The following CDC42SE2 variants were observed in gnomAD, a reference collection of about 807,000 sequenced individuals.
CDC42SE2 encodes the protein CDC42 small effector protein 2.
A neutral mutation model predicts 11.5 loss-of-function variants in CDC42SE2; 3 were observed. The observed-to-expected ratio is 0.26, with a 90% CI of 0.12 to 0.67. CDC42SE2 has a LOEUF of 0.67. CDC42SE2 is among the 30% of genes least tolerant of loss of function. The pLI is 0.80. For synonymous variants in CDC42SE2, 33 were observed against 34.8 expected (o/e 0.95, Z 0.18); for missense variants, 82 against 106.8 (o/e 0.77, Z 1.02).
chr5:131,334,697 A>C (rs906111825), intron 2 of CDC42SE2, among the ~76,000 whole-genome samples: 14 of 151,842 alleles, frequency 9.2e-5, no homozygotes, highest in African/African-American at 2.9e-4. Flanking sequence ...GTCTTGGGAG[A>C]GTGTATGTGT....
At chr5:131,221,478 C>T in the CDC42SE2 span, among the ~76,000 whole-genome samples, 31 of 151,934 alleles carry the variant, frequency 2.0e-4, no homozygotes, top group Non-Finnish European at 3.4e-4. Context: ...CAACACCCTT[C>T]TGTATGCAAA....
At chr5:131,383,193 A>G (rs1750374186) in intron 3 of CDC42SE2, among the ~76,000 whole-genome samples, 1 of 152,186 alleles carries the variant, frequency 6.6e-6, no homozygotes, top group Non-Finnish European at 1.5e-5. Flanking sequence ...GTCTGCCATT[A>G]GGGGCAGGGA....
chr5:131,365,729 C>T (rs528266334), intron 3 of CDC42SE2, among the ~76,000 whole-genome samples: 8 of 152,182 alleles, frequency 5.3e-5, no homozygotes, highest in East Asian at 1.9e-4. Context: ...ACACCTGTAT[C>T]CCCAGCACTT....
At chr5:131,300,953 C>G (rs1757666410) in intron 1 of CDC42SE2, among the ~76,000 whole-genome samples, 1 of 152,096 alleles carries the variant, frequency 6.6e-6, no homozygotes, top group South Asian at 2.1e-4. Flanking sequence ...CTTTATACAT[C>G]TTACTACATT....
At chr5:131,278,726 CCCCT>C (rs1757161849) in intron 1 of CDC42SE2, among the ~76,000 whole-genome samples, 1 of 6,214 alleles carries the variant, frequency 1.6e-4, no homozygotes, top group African/African-American at 1.0e-3. Context: ...CCTCCCCTCC[CCCCT>C]CCCCTCCCCT....
At chr5:131,222,424 C>A in the CDC42SE2 span, among the ~76,000 whole-genome samples, 1 of 152,166 alleles carries the variant, frequency 6.6e-6, no homozygotes, top group African/African-American at 2.4e-5. Flanking sequence ...ATAGTCCCTA[C>A]CTGAAATTAA....
chr5:131,214,968 G>C, the CDC42SE2 span, among the ~76,000 whole-genome samples: 18 of 152,212 alleles, frequency 1.2e-4, no homozygotes, highest in African/African-American at 7.2e-5. Context: ...TCAAATTGCT[G>C]AAGCAGGAGA....
intron 1 of CDC42SE2, among the ~76,000 whole-genome samples, chr5:131,306,957 C>G (rs1045135348): frequency 1.3e-5 from 2 of 151,958 alleles, no homozygotes; most frequent in Non-Finnish European, 2.9e-5. Context: ...TGCAACTTTA[C>G]TTCGTTTATC....
At position 131,298,062 on chromosome 5, in the gene CDC42SE2, G is replaced by A. The variant is rs556038948; in HGVS notation, c.-454-17914G>A. Among the ~76,000 whole-genome samples the A allele has an allele frequency of 2.0e-4, 31 of 151,900 alleles. No individual in the cohort carries two copies. The South Asian group carries it at 6.4e-3, about 32-fold the overall frequency. ...AGGAAGTTATGCTTCCTGTTAGAGT[G>A]GGTTAGAGTAATGTGCTTTCATTCA... On this transcript the variant is annotated intron_variant, in intron 1 of 4. Coordinates refer to ENST00000505065, the MANE Select transcript of CDC42SE2 (RefSeq NM_001375635.1).
the CDC42SE2 span, among the ~76,000 whole-genome samples, chr5:131,237,855 G>A: frequency 2.6e-5 from 4 of 152,126 alleles, no homozygotes; most frequent in African/African-American, 9.7e-5. Flanking sequence ...GCCCCCCAAA[G>A]CACTGGAATT....
chr5:131,302,915 A>G (rs1301231208), intron 1 of CDC42SE2, among the ~76,000 whole-genome samples: 2 of 150,832 alleles, frequency 1.3e-5, no homozygotes, highest in Non-Finnish European at 2.9e-5. Flanking sequence ...ATTTACACCT[A>G]CCCTCACCTG....
At chr5:131,279,431 A>G (rs937182500) in intron 1 of CDC42SE2, among the ~76,000 whole-genome samples, 1 of 149,242 alleles carries the variant, frequency 6.7e-6, no homozygotes, top group African/African-American at 2.5e-5. Flanking sequence ...TCAGTTTGTT[A>G]TATAGCATTT....
At position 131,367,577 on chromosome 5, in the gene CDC42SE2, G is replaced by C. The variant is rs186721975; in HGVS notation, c.54+8030G>C. ...TTCATGGTATTGTTCTTTTCCGATT[G>C]CTAGTGAGGTTAAGCGAAGCACTTC... On this transcript the variant is annotated intron_variant, in intron 3 of 4. Transcript: ENST00000505065. 3.3e-3 allele frequency among the ~76,000 whole-genome samples: 508 copies of C among 152,214 alleles called. 3 individuals are homozygous for C. Among genetic ancestry groups the C allele is most frequent in the Middle Eastern group, 0.031 (9 of 294 alleles).
intron 1 of CDC42SE2, among the ~76,000 whole-genome samples, chr5:131,247,021 A>G (rs2149682161): frequency 1.3e-5 from 2 of 152,028 alleles, no homozygotes; most frequent in Middle Eastern, 3.4e-3. Flanking sequence ...TGGGATTACA[A>G]GCGTGCGCCC....
intron 2 of CDC42SE2, among the ~76,000 whole-genome samples, chr5:131,352,493 A>G (rs972387201): frequency 8.5e-5 from 13 of 152,326 alleles, no homozygotes; most frequent in African/African-American, 3.1e-4. Flanking sequence ...TCTAATCTGT[A>G]ATCAGTCATT....
chr5:131,286,627 C>T (rs971609692), intron 1 of CDC42SE2, among the ~76,000 whole-genome samples: 1 of 151,884 alleles, frequency 6.6e-6, no homozygotes, highest in South Asian at 2.1e-4. Context: ...ACCCCTGAGA[C>T]AGCGAGACCA....
intron 4 of CDC42SE2, among the ~76,000 whole-genome samples, chr5:131,388,380 C>T (rs564439721): frequency 6.6e-6 from 1 of 152,212 alleles, no homozygotes; most frequent in African/African-American, 2.4e-5. Flanking sequence ...CTATGCAATG[C>T]AATAATAAAT....
the CDC42SE2 span, among the ~76,000 whole-genome samples, chr5:131,228,451 G>C: frequency 6.6e-6 from 1 of 152,194 alleles, no homozygotes; most frequent in Non-Finnish European, 1.5e-5. Context: ...AATTTCCCAT[G>C]AAGTCCATTG....
At chr5:131,273,594 C>A (rs1341630383) in intron 1 of CDC42SE2, among the ~76,000 whole-genome samples, 1 of 150,682 alleles carries the variant, frequency 6.6e-6, no homozygotes, top group Admixed American at 6.6e-5. Context: ...CATGGTGAAA[C>A]CCCGTCTCTA....
Sources: gnomAD v4.1 joint callset for allele counts (sites outside exome capture counted in the v4.1 genomes callset) on GRCh38, gnomAD v4.1.1 for gene constraint, MANE v1.5 for transcripts, NCBI Gene and HGNC (gene_info 2026-07-23, HGNC 2026-07-21) for gene names.